The following PSD3 variants were observed in gnomAD, a reference collection of about 807,000 sequenced individuals.
PSD3 encodes the protein pleckstrin and Sec7 domain containing 3, also known as PH and SEC7 domain-containing protein 3.
A neutral mutation model predicts 105.5 loss-of-function variants in PSD3; 49 were observed. The observed-to-expected ratio is 0.46, with a 90% CI of 0.37 to 0.59. PSD3 has a LOEUF of 0.59. Among genes scored for constraint, PSD3 ranks in the 20% least tolerant of loss-of-function variants. The pLI is 0.00. For missense variants in PSD3, 1,561 were observed against 1,263.8 expected (o/e 1.24, Z -3.57); for synonymous variants, 557 against 457.8 (o/e 1.22, Z -2.77).
At chr8:18,670,877 G>A (rs985914265) in intron 9 of PSD3, among the ~76,000 whole-genome samples, 2 of 152,078 alleles carry the variant, frequency 1.3e-5, no homozygotes, top group Non-Finnish European at 2.9e-5. Flanking sequence ...AGCAGGGTGG[G>A]GGGATTTTCA....
intron 9 of PSD3, among the ~76,000 whole-genome samples, chr8:18,705,275 C>T (rs775562506): frequency 2.0e-5 from 3 of 152,230 alleles, no homozygotes; most frequent in East Asian, 3.9e-4. Flanking sequence ...TGCCTGTAAT[C>T]CCAGCCCTTT....
intron 2 of PSD3, among the ~76,000 whole-genome samples, chr8:18,899,632 C>A (rs1169051113): frequency 6.6e-6 from 1 of 151,984 alleles, no homozygotes; most frequent in Admixed American, 6.6e-5. Context: ...CACTGTTGAA[C>A]TCATAGAGTT....
chr8:18,953,565 A>G (rs904010122), intron 1 of PSD3, among the ~76,000 whole-genome samples: 16 of 152,130 alleles, frequency 1.1e-4, no homozygotes, highest in Non-Finnish European at 1.9e-4. Flanking sequence ...CCTGGCCAAC[A>G]TGTTAAAACC....
At chr8:18,739,508 T>C (rs905841679) in intron 9 of PSD3, among the ~76,000 whole-genome samples, 2 of 152,182 alleles carry the variant, frequency 1.3e-5, no homozygotes, top group African/African-American at 2.4e-5. Context: ...AAGAAGAAGG[T>C]AATATGTACT....
chr8:18,755,379 G>A lies in PSD3; in HGVS notation c.2172+10070C>T, dbSNP rs138049842. The stretch of plus-strand genomic sequence containing the variant: ...TAGGAGGTAGAGGTTGCAGTGAGCC[G>A]AGATTGTACCACTGCACTCCTGCCT... On this transcript the variant is annotated intron_variant, in intron 9 of 15. Coordinates refer to ENST00000327040, the MANE Select transcript of PSD3 (RefSeq NM_015310.4). 3.1e-4 allele frequency among the ~76,000 whole-genome samples: 47 copies of A among 152,054 alleles called. 1 individual carries two copies. Among genetic ancestry groups the A allele is most frequent in the African/African-American group, 9.6e-4 (40 of 41,458 alleles).
At chr8:18,883,733 C>T (rs1426741062) in intron 2 of PSD3, among the ~76,000 whole-genome samples, 8 of 152,008 alleles carry the variant, frequency 5.3e-5, no homozygotes, top group Admixed American at 3.3e-4. Flanking sequence ...TAGAAATGTA[C>T]GGGGAAATTC....
At chr8:19,028,111 G>C (rs1827624154) in intron 1 of PSD3, among the ~76,000 whole-genome samples, 1 of 152,058 alleles carries the variant, frequency 6.6e-6, no homozygotes, top group African/African-American at 2.4e-5. Flanking sequence ...ATTTGGTATT[G>C]TCAACTTTTA....
At chr8:18,575,776 G>T (rs1802428014) in intron 12 of PSD3, among the ~76,000 whole-genome samples, 1 of 152,040 alleles carries the variant, frequency 6.6e-6, no homozygotes, top group Non-Finnish European at 1.5e-5. Context: ...TTTCTGTTTA[G>T]ACTAATATTA....
intron 1 of PSD3, among the ~76,000 whole-genome samples, chr8:18,985,667 A>T (rs1825464544): frequency 6.6e-6 from 1 of 152,150 alleles, no homozygotes; most frequent in Non-Finnish European, 1.5e-5. Context: ...TACTCCTAAA[A>T]ATAGCATTTT....
At chr8:19,062,055 C>T (rs936761493) in intron 1 of PSD3, among the ~76,000 whole-genome samples, 1 of 152,146 alleles carries the variant, frequency 6.6e-6, no homozygotes, top group Non-Finnish European at 1.5e-5. Context: ...TCTTTGAGGC[C>T]ATTCTTCACT....
chr8:18,963,377 T>C (rs1299165625), intron 1 of PSD3, among the ~76,000 whole-genome samples: 1 of 152,204 alleles, frequency 6.6e-6, no homozygotes, highest in Admixed American at 6.5e-5. Context: ...AAAATTTCCT[T>C]CAAAACTTTT....
At chr8:18,988,498 G>A (rs1455017546) in intron 1 of PSD3, among the ~76,000 whole-genome samples, 2 of 152,102 alleles carry the variant, frequency 1.3e-5, no homozygotes, top group African/African-American at 4.8e-5. Context: ...TTGCCCTTGG[G>A]TCTACCACAG....
At chr8:18,894,826 A>G (rs374192334) in intron 2 of PSD3, among the ~76,000 whole-genome samples, 31 of 152,356 alleles carry the variant, frequency 2.0e-4, no homozygotes, top group African/African-American at 7.2e-4. Flanking sequence ...TGGTCTAGTT[A>G]GCTCACTTTG....
At chr8:18,997,966 T>C (rs548789659) in intron 1 of PSD3, among the ~76,000 whole-genome samples, 17 of 152,168 alleles carry the variant, frequency 1.1e-4, no homozygotes, top group Middle Eastern at 3.4e-3. Flanking sequence ...TGTCTTACCT[T>C]GTAAGAACAA....
At chr8:18,587,590 C>T (rs190924573) in intron 12 of PSD3, among the ~76,000 whole-genome samples, 2 of 152,306 alleles carry the variant, frequency 1.3e-5, no homozygotes, top group Admixed American at 1.3e-4. Flanking sequence ...CAAACTCCTG[C>T]TTATCTTTCA....
At chr8:18,894,555 A>G (rs1185961047) in intron 2 of PSD3, among the ~76,000 whole-genome samples, 4 of 152,186 alleles carry the variant, frequency 2.6e-5, no homozygotes, top group Non-Finnish European at 5.9e-5. Flanking sequence ...AATCAGCCAG[A>G]ACAGACATCT....
chr8:19,061,997 T>G (rs1828916237), intron 1 of PSD3, among the ~76,000 whole-genome samples: 1 of 152,232 alleles, frequency 6.6e-6, no homozygotes, highest in African/African-American at 2.4e-5. Context: ...ACTGATTATC[T>G]GTCTGGCTAC....
intron 8 of PSD3, among the ~76,000 whole-genome samples, chr8:18,793,478 C>G (rs926295817): frequency 1.3e-5 from 2 of 151,374 alleles, no homozygotes; most frequent in Non-Finnish European, 2.9e-5. Context: ...ACATAGACCC[C>G]TGACCTTAAA....
chr8:19,039,913 A>G (rs556996993), intron 1 of PSD3, among the ~76,000 whole-genome samples: 2 of 152,354 alleles, frequency 1.3e-5, no homozygotes, highest in East Asian at 1.9e-4. Context: ...ATTATATGGT[A>G]TCAAGGAACA....
Sources: gnomAD v4.1 joint callset for allele counts (sites outside exome capture counted in the v4.1 genomes callset) on GRCh38, gnomAD v4.1.1 for gene constraint, MANE v1.5 for transcripts, NCBI Gene and HGNC (gene_info 2026-07-23, HGNC 2026-07-21) for gene names.